Variants in PDK1 observed in about 807,000 individuals in gnomAD.
PDK1 encodes the protein pyruvate dehydrogenase kinase 1.
In PDK1, 39 loss-of-function variants were observed where a neutral mutation model predicts 54.2. The ratio of observed to expected loss-of-function variants is 0.72; its 90% CI spans 0.56 to 0.94. The LOEUF (loss-of-function observed/expected upper bound fraction) is 0.94. PDK1 is among the 40% of genes least tolerant of loss of function. The probability of loss-of-function intolerance (pLI) is 0.00; values close to 1 mark genes in which losing one functional copy is unlikely to be tolerated. For synonymous variants in PDK1, 221 were observed against 207.1 expected, an observed-to-expected ratio of 1.07 and a Z score of -0.58; for missense variants, 552 against 566.0, an observed-to-expected ratio of 0.98 and a Z score of 0.25.
chr2:172,683,322 G>T, the PDK1 span, among the ~76,000 whole-genome samples: 1 of 147,850 alleles, frequency 6.8e-6, no homozygotes, highest in Non-Finnish European at 1.5e-5. Flanking sequence ...ACTCCAGCCT[G>T]GGCGACAGAG....
At chr2:172,619,612 A>G in the PDK1 span, among the ~76,000 whole-genome samples, 2 of 152,148 alleles carry the variant, frequency 1.3e-5, no homozygotes, top group Non-Finnish European at 2.9e-5. Flanking sequence ...AAAGGCAAAG[A>G]GTAAAAAATT....
the PDK1 span, among the ~76,000 whole-genome samples, chr2:172,628,266 C>T: frequency 6.6e-6 from 1 of 152,232 alleles, no homozygotes; most frequent in Non-Finnish European, 1.5e-5. Context: ...CTACCTGAGC[C>T]TCCTTGCTTG....
chr2:172,568,670 C>T (rs1431694487), intron 6 of PDK1, 71 bp from the exon 7 acceptor site: 2 of 921,844 alleles, frequency 2.2e-6, no homozygotes, highest in Admixed American at 1.7e-5. Flanking sequence ...TTCATCACTA[C>T]ACAGTTTATT....
At chr2:172,666,591 G>A in the PDK1 span, among the ~76,000 whole-genome samples, 1 of 152,104 alleles carries the variant, frequency 6.6e-6, no homozygotes. Context: ...AAAGAGCAGG[G>A]GTACGAGCTG....
chr2:172,558,849 G>A lies in PDK1; in HGVS notation c.338G>A (p.Trp113Ter), dbSNP rs2149187005. 6.2e-7 allele frequency: 1 copy of A among 1,607,176 alleles called. No individual in the cohort carries two copies. The highest frequency in any genetic ancestry group is 8.5e-7 in the Non-Finnish European group (1 of 1,177,694). ...CCATCCGTTCAATTGGTACAAAGCT[G>A]GTAAGATTCTCATCTTGTGTTTGCA... Reference protein sequence around the residue: ...RTPSVQLVQSWYIQSLQELLD... With the variant: ...RTPSVQLVQS Residue 113 changes from tryptophan to a stop codon, truncating the protein, a stop_gained and splice_region_variant, in exon 2 of 11, where the codon TGG becomes TAG. Coordinates refer to ENST00000282077, the MANE Select transcript of PDK1 (RefSeq NM_002610.5). LOFTEE classifies it high-confidence loss of function.
chr2:172,655,659 T>A, the PDK1 span, among the ~76,000 whole-genome samples: 1 of 152,248 alleles, frequency 6.6e-6, no homozygotes, highest in Admixed American at 6.5e-5. Flanking sequence ...GTCTGTTTGG[T>A]CACCATCCCT....
intron 6 of PDK1, 142 bp from the exon 7 acceptor site, chr2:172,568,599 G>A (rs928716436): frequency 4.8e-6 from 3 of 623,382 alleles, no homozygotes; most frequent in African/African-American, 3.7e-5. Context: ...CTAATACATT[G>A]AAGAAATGGT....
At chr2:172,686,781 C>A in the PDK1 span, among the ~76,000 whole-genome samples, 5 of 152,220 alleles carry the variant, frequency 3.3e-5, no homozygotes, top group Admixed American at 3.3e-4. Flanking sequence ...CAGGAACACA[C>A]CAGAAAGAAC....
chr2:172,639,754 A>G, the PDK1 span, among the ~76,000 whole-genome samples: 1 of 152,162 alleles, frequency 6.6e-6, no homozygotes, highest in Non-Finnish European at 1.5e-5. Context: ...ATCCATCTTC[A>G]TGAAGGGATT....
chr2:172,619,494 T>G, the PDK1 span, among the ~76,000 whole-genome samples: 1 of 152,084 alleles, frequency 6.6e-6, no homozygotes, highest in East Asian at 1.9e-4. Context: ...CTAGCTTTTT[T>G]TTTTTTAATC....
the PDK1 span, among the ~76,000 whole-genome samples, chr2:172,700,519 A>G: frequency 7.1e-6 from 1 of 140,498 alleles, no homozygotes; most frequent in Non-Finnish European, 1.5e-5. Context: ...CACTTCCCAG[A>G]CTGGGCGGCC....
At chr2:172,661,460 G>A in the PDK1 span, among the ~76,000 whole-genome samples, 1 of 152,170 alleles carries the variant, frequency 6.6e-6, no homozygotes, top group Non-Finnish European at 1.5e-5. Flanking sequence ...ATCATGTACT[G>A]CTACATGTCC....
chr2:172,614,332 A>G, the PDK1 span, among the ~76,000 whole-genome samples: 1 of 152,114 alleles, frequency 6.6e-6, no homozygotes, highest in African/African-American at 2.4e-5. Flanking sequence ...CTCCAACAGG[A>G]GTGGGGACTC....
the PDK1 span, among the ~76,000 whole-genome samples, chr2:172,621,600 T>C: frequency 1.4e-5 from 2 of 147,892 alleles, no homozygotes; most frequent in African/African-American, 4.9e-5. Context: ...ATATATGATA[T>C]ATGTTTATAT....
the PDK1 span, among the ~76,000 whole-genome samples, chr2:172,722,547 G>A: frequency 6.6e-6 from 1 of 152,232 alleles, no homozygotes; most frequent in Non-Finnish European, 1.5e-5. Flanking sequence ...TTCATCTGAT[G>A]TATTGACTCC....
chr2:172,665,499 G>T, the PDK1 span, among the ~76,000 whole-genome samples: 2 of 152,134 alleles, frequency 1.3e-5, no homozygotes, highest in Admixed American at 1.3e-4. Context: ...TATGCTGAAG[G>T]TGTGGCTTGC....
At chr2:172,638,659 G>A in the PDK1 span, among the ~76,000 whole-genome samples, 1 of 141,528 alleles carries the variant, frequency 7.1e-6, no homozygotes, top group Non-Finnish European at 1.6e-5. Flanking sequence ...TCTAGCTAAA[G>A]GATTGTAAAT....
At chr2:172,580,278 A>G (rs936456965) in intron 8 of PDK1, among the ~76,000 whole-genome samples, 2 of 131,402 alleles carry the variant, frequency 1.5e-5, no homozygotes, top group African/African-American at 5.7e-5. Context: ...TAATGTGTCT[A>G]TTTTTTGGTT....
the PDK1 span, among the ~76,000 whole-genome samples, chr2:172,648,668 G>GTGCAC: frequency 6.6e-6 from 1 of 152,180 alleles, no homozygotes; most frequent in Non-Finnish European, 1.5e-5. Context: ...TTAGCAAATG[G>GTGCAC]TGCACCAGGA....
Sources: allele counts gnomAD v4.1 joint callset (sites outside exome capture counted in the v4.1 genomes callset), GRCh38; gene constraint gnomAD v4.1.1; transcripts MANE v1.5; gene names NCBI Gene and HGNC (gene_info 2026-07-23, HGNC 2026-07-21).